The following PEX11G variants were observed in gnomAD, a reference collection of about 807,000 sequenced individuals.
The protein encoded by PEX11G is peroxisomal biogenesis factor 11 gamma, also known as peroxisomal membrane protein 11C.
A neutral mutation model predicts 22.5 loss-of-function variants in PEX11G; 20 were observed. The observed-to-expected ratio is 0.89, with a 90% confidence interval of 0.62 to 1.29. PEX11G has a LOEUF of 1.29. PEX11G is among the 50% of genes most tolerant of loss of function. The pLI is 0.00. For synonymous variants in PEX11G, 141 were observed against 154.5 expected (o/e 0.91, Z 0.65); for missense variants, 347 against 331.3 (o/e 1.05, Z -0.37).
chr19:7,486,947 T>C (rs1451499727), intron 1 of PEX11G, among the ~76,000 whole-genome samples: 1 of 151,876 alleles, frequency 6.6e-6, no homozygotes, highest in Non-Finnish European at 1.5e-5. Context: ...CTTGGGAGGC[T>C]GATGCTGGAG....
In PEX11G at chr19:7,484,730, G is replaced by A. The variant is rs547234731; in HGVS notation, c.249+1108C>T. ...AGAGGTTGCAGTGAGCCGAGATCAC[G>A]CCACTGCACTCCATCCTGAGTGACA... On this transcript the variant is annotated intron_variant, in intron 2 of 4. Coordinates refer to ENST00000221480, the MANE Select transcript of PEX11G (RefSeq NM_080662.4). Among the ~76,000 whole-genome samples, 57 of 150,866 alleles carry A rather than the reference G, an allele frequency of 3.8e-4. 1 individual carries two copies. The South Asian group carries it at 0.01, about 27-fold the overall frequency.
At chr19:7,491,493 T>C (rs2021889882), upstream of PEX11G, among the ~76,000 whole-genome samples, 1 of 151,826 alleles carries the variant, frequency 6.6e-6, no homozygotes, top group African/African-American at 2.4e-5. Context: ...GGTCTTGAAC[T>C]CTTGACCTCA....
chr19:7,482,235 G>T, intron 2 of PEX11G, 24 bp from the exon 3 acceptor site: 11 of 1,541,320 alleles, frequency 7.1e-6, no homozygotes, highest in Non-Finnish European at 9.6e-6. Flanking sequence ...AGCAGAGGGG[G>T]CCTAGGGTCA....
intron 1 of PEX11G, among the ~76,000 whole-genome samples, chr19:7,494,961 TTC>T (rs1013283560): frequency 7.1e-4 from 108 of 151,842 alleles, no homozygotes; most frequent in African/African-American, 2.5e-3. Flanking sequence ...GTCTTCTGAC[TTC>T]TTTCTTTCTT....
upstream of PEX11G, chr19:7,493,212 A>C (rs1285286885): frequency 2.1e-5 from 3 of 145,358 alleles, no homozygotes; most frequent in African/African-American, 7.8e-5. Context: ...TTTTGTTTTT[A>C]AACAGAGTCT....
chr19:7,478,796 G>A (rs1178756707), intron 3 of PEX11G, among the ~76,000 whole-genome samples: 1 of 152,212 alleles, frequency 6.6e-6, no homozygotes, highest in African/African-American at 2.4e-5. Flanking sequence ...GCTCTGTGTG[G>A]AAAGGTCCAA....
upstream of PEX11G, chr19:7,489,135 G>A (rs2021812770): frequency 8.0e-7 from 1 of 1,249,554 alleles, no homozygotes; most frequent in African/African-American, 1.6e-5. Context: ...CCCCCTGACC[G>A]GCTTTTTGTC....
upstream of PEX11G, among the ~76,000 whole-genome samples, chr19:7,489,851 C>CTTTTT (rs55711330): frequency 9.0e-5 from 13 of 143,886 alleles, no homozygotes; most frequent in South Asian, 2.2e-4. Context: ...CTGGAGACGT[C>CTTTTT]TTTTTTTTTT....
In PEX11G at chr19:7,487,725, C is replaced by T. The variant is rs372010495; in HGVS notation, c.60+1226G>A. Among the ~76,000 whole-genome samples the T allele has an allele frequency of 2.2e-4, 33 of 152,222 alleles. No homozygotes were observed. The East Asian group carries it at 5.8e-3, about 27-fold the overall frequency. The stretch of plus-strand genomic sequence containing the variant: ...GCGCGAGCCACCACGCCTGGCCTCC[C>T]TTATATCTTTATTTTACCTGCTTTT... On this transcript the variant is annotated intron_variant, in intron 1 of 4. Coordinates refer to ENST00000221480, the MANE Select transcript of PEX11G (RefSeq NM_080662.4).
upstream of PEX11G, chr19:7,489,141 T>C: frequency 8.2e-7 from 1 of 1,226,168 alleles, no homozygotes; most frequent in Non-Finnish European, 1.1e-6. Context: ...GACCGGCTTT[T>C]TGTCCGCTGT....
chr19:7,489,937 G>A (rs905133956), upstream of PEX11G, among the ~76,000 whole-genome samples: 8 of 150,392 alleles, frequency 5.3e-5, no homozygotes, highest in Non-Finnish European at 1.2e-4. Context: ...TGCTCACTGC[G>A]TCCTCCGCTT....
At chr19:7,490,060 G>A (rs192914282), upstream of PEX11G, among the ~76,000 whole-genome samples, 12 of 152,192 alleles carry the variant, frequency 7.9e-5, no homozygotes, top group Non-Finnish European at 1.5e-4. Flanking sequence ...GTTTCACCAC[G>A]TTGGCCAGGC....
chr19:7,483,985 G>A (rs901983943), intron 2 of PEX11G, among the ~76,000 whole-genome samples: 4 of 148,648 alleles, frequency 2.7e-5, no homozygotes, highest in African/African-American at 9.7e-5. Context: ...GTCAACCAGA[G>A]GCCAATTAAA....
chr19:7,488,281 C>T (rs115820673), intron 1 of PEX11G, among the ~76,000 whole-genome samples: 2,730 of 152,300 alleles, frequency 0.018, 84 homozygotes, highest in African/African-American at 0.063. Context: ...CAGGCCATGG[C>T]GTGTTCTTTG....
intron 1 of PEX11G, among the ~76,000 whole-genome samples, chr19:7,486,607 T>A (rs56873413): frequency 0.075 from 11,007 of 146,136 alleles, 621 homozygotes; most frequent in African/African-American, 0.16. Context: ...ACCAAAAAAA[T>A]TTTTTTTTTT....
chr19:7,493,628 C>T (rs913661078), upstream of PEX11G, among the ~76,000 whole-genome samples: 22 of 152,114 alleles, frequency 1.4e-4, no homozygotes, highest in Non-Finnish European at 2.5e-4. Flanking sequence ...TCCTCAGCCT[C>T]CCATAGCACT....
Position 7,483,171 on chromosome 19 carries a change from C to T in PEX11G, c.250-960G>A, listed in dbSNP as rs112161347. On this transcript the variant is annotated intron_variant, in intron 2 of 4. Transcript: ENST00000221480. ...TCCTTGTTACCTGCCACACCCTTCCCCTCCTCTCTGACTTCCCAGGAAGCT... is the reference window on the plus strand; with the variant it reads ...TCCTTGTTACCTGCCACACCCTTCCTCTCCTCTCTGACTTCCCAGGAAGCT... 1,281 of 151,930 alleles carry T rather than the reference C, an allele frequency of 8.4e-3. 11 individuals are homozygous for T. The highest frequency in any genetic ancestry group is 0.014 in the Non-Finnish European group (967 of 68,028). 9.4% of individuals were successfully genotyped at this position (151,930 alleles called of 1,614,324 possible).
chr19:7,493,745 C>T (rs1047229888), upstream of PEX11G, among the ~76,000 whole-genome samples: 1 of 151,916 alleles, frequency 6.6e-6, no homozygotes, highest in Non-Finnish European at 1.5e-5. Flanking sequence ...GTGACTCACA[C>T]CTGTAATCCC....
At chr19:7,494,520 C>T (rs1009506455) in intron 1 of PEX11G, among the ~76,000 whole-genome samples, 1 of 152,226 alleles carries the variant, frequency 6.6e-6, no homozygotes, top group Non-Finnish European at 1.5e-5. Context: ...CTTGGAACAG[C>T]GCAATGCATT....
Sources: allele counts gnomAD v4.1 joint callset (sites outside exome capture counted in the v4.1 genomes callset), GRCh38; gene constraint gnomAD v4.1.1; transcripts MANE v1.5; gene names NCBI Gene and HGNC (gene_info 2026-07-23, HGNC 2026-07-21).